The following PRRX1 variants were observed in gnomAD, a reference collection of about 807,000 sequenced individuals.
PRRX1 encodes the protein paired mesoderm homeobox protein 1.
A neutral mutation model predicts 24.0 loss-of-function variants in PRRX1; 8 were observed. The observed-to-expected ratio is 0.33, with a 90% confidence interval of 0.20 to 0.60. The LOEUF is 0.60. Among genes scored for constraint, PRRX1 ranks in the 20% least tolerant of loss-of-function variants. The pLI is 0.82. For missense variants in PRRX1, 281 were observed against 322.4 expected (o/e 0.87, Z 0.98); for synonymous variants, 160 against 131.7 (o/e 1.22, Z -1.47).
intron 1 of PRRX1, 71 bp from the exon 2 acceptor site, chr1:170,719,655 A>G: frequency 6.7e-7 from 1 of 1,485,880 alleles, no homozygotes; most frequent in Non-Finnish European, 9.3e-7. Flanking sequence ...CTATAGATAT[A>G]CCATAAAAAA....
intron 1 of PRRX1, among the ~76,000 whole-genome samples, chr1:170,682,660 T>G (rs1653593638): frequency 6.6e-6 from 1 of 152,196 alleles, no homozygotes; most frequent in Admixed American, 6.5e-5. Context: ...ACCTACTATG[T>G]GCCAGTCATT....
chr1:170,705,349 A>G (rs541479253), intron 1 of PRRX1, among the ~76,000 whole-genome samples: 6 of 152,184 alleles, frequency 3.9e-5, no homozygotes, highest in Admixed American at 2.0e-4. Context: ...TGGCACAATC[A>G]TGGCCTCAGT....
At chr1:170,733,616 CT>C in intron 3 of PRRX1, among the ~76,000 whole-genome samples, 1 of 152,238 alleles carries the variant, frequency 6.6e-6, no homozygotes, top group Non-Finnish European at 1.5e-5. Context: ...AGCTTCTCTT[CT>C]ATGTGTTTAC....
chr1:170,687,387 A>G (rs1444015942), intron 1 of PRRX1, among the ~76,000 whole-genome samples: 2 of 152,182 alleles, frequency 1.3e-5, no homozygotes, highest in African/African-American at 2.4e-5. Context: ...TTGGATGCTC[A>G]GGGATGCTCC....
intron 1 of PRRX1, among the ~76,000 whole-genome samples, chr1:170,693,555 C>A (rs1254857585): frequency 1.3e-5 from 2 of 151,986 alleles, no homozygotes; most frequent in Admixed American, 6.6e-5. Context: ...ATCCACCAGC[C>A]CCCACTAAAA....
chr1:170,711,382 T>A (rs1654742571), intron 1 of PRRX1, among the ~76,000 whole-genome samples: 1 of 152,142 alleles, frequency 6.6e-6, no homozygotes, highest in East Asian at 1.9e-4. Context: ...AAAATTCAAG[T>A]CATACTTTTG....
At chr1:170,694,395 C>T (rs570953710) in intron 1 of PRRX1, among the ~76,000 whole-genome samples, 6 of 152,150 alleles carry the variant, frequency 3.9e-5, no homozygotes, top group East Asian at 1.9e-4. Context: ...CAGCTGTTTT[C>T]GTTGTAGAGT....
chr1:170,712,305 C>T (rs948727735), intron 1 of PRRX1, among the ~76,000 whole-genome samples: 5 of 152,152 alleles, frequency 3.3e-5, no homozygotes, highest in Admixed American at 6.5e-5. Context: ...AACACCTGTG[C>T]ATGATATATA....
chr1:170,669,519 C>T (rs1260513742), intron 1 of PRRX1: 2 of 149,624 alleles, frequency 1.3e-5, no homozygotes, highest in Admixed American at 6.8e-5. Flanking sequence ...CAGCCAGGCC[C>T]CTTTTCCAAG....
chr1:170,686,144 T>TA (rs11369902), intron 1 of PRRX1, among the ~76,000 whole-genome samples: 51,593 of 117,080 alleles, frequency 0.44, 9,863 homozygotes, highest in Middle Eastern at 0.64. Context: ...AACATTACAT[T>TA]AAAAAAAAGC....
intron 1 of PRRX1, among the ~76,000 whole-genome samples, chr1:170,692,794 A>T: frequency 6.6e-6 from 1 of 151,272 alleles, no homozygotes; most frequent in African/African-American, 2.4e-5. Flanking sequence ...TGCATCTCTC[A>T]CATTTTTCTG....
intron 1 of PRRX1, among the ~76,000 whole-genome samples, chr1:170,714,015 T>C (rs1019250626): frequency 6.6e-6 from 1 of 152,242 alleles, no homozygotes; most frequent in African/African-American, 2.4e-5. Flanking sequence ...GTGTGTGTGC[T>C]GCTAAACTTG....
At chr1:170,713,693 A>C (rs1276137085) in intron 1 of PRRX1, among the ~76,000 whole-genome samples, 4 of 152,184 alleles carry the variant, frequency 2.6e-5, no homozygotes, top group African/African-American at 7.2e-5. Context: ...GTAATTTCAC[A>C]CTTCTTAGAG....
At chr1:170,693,177 G>A (rs927783919) in intron 1 of PRRX1, among the ~76,000 whole-genome samples, 1 of 152,066 alleles carries the variant, frequency 6.6e-6, no homozygotes, top group Admixed American at 6.6e-5. Flanking sequence ...CCATGGTTTT[G>A]TTATTACTAC....
At chr1:170,733,428 C>A (rs747953753) in intron 3 of PRRX1, among the ~76,000 whole-genome samples, 2 of 152,120 alleles carry the variant, frequency 1.3e-5, no homozygotes, top group Non-Finnish European at 2.9e-5. Flanking sequence ...TCAAAAAACA[C>A]ATCATCTTTC....
chr1:170,689,836 CTCCCTCTCT>C (rs1653872452), intron 1 of PRRX1, among the ~76,000 whole-genome samples: 1 of 58,086 alleles, frequency 1.7e-5, no homozygotes, highest in Non-Finnish European at 3.6e-5. Context: ...CTCTCTCTCT[CTCCCTCTCT>C]CTCTCTCTCT....
At position 170,736,869 on chromosome 1, in the gene PRRX1, C is replaced by T. The variant is rs1047050145; in HGVS notation, c.*683C>T. 13 of 196,672 alleles carry T rather than the reference C, an allele frequency of 6.6e-5. No homozygotes were observed. Among genetic ancestry groups the T allele is most frequent in the African/African-American group, 2.8e-4 (12 of 43,180 alleles). 12.2% of individuals were successfully genotyped at this position (196,672 alleles called of 1,614,324 possible). On this transcript the variant is annotated 3_prime_UTR_variant, in exon 4 of 4. Coordinates refer to ENST00000239461, the MANE Select transcript of PRRX1 (RefSeq NM_022716.4). ...TAATTCTAAGCACTAAAGTCTACAT[C>T]TAAGCTATAGATTTAAGCTTGAAGC... is the stretch of plus-strand genomic sequence containing the variant.
At chr1:170,719,457 A>T (rs1038589605) in intron 1 of PRRX1, among the ~76,000 whole-genome samples, 3 of 152,252 alleles carry the variant, frequency 2.0e-5, no homozygotes, top group African/African-American at 7.2e-5. Flanking sequence ...GGCATCAAGG[A>T]TCATGCAAGT....
chr1:170,684,376 T>G (rs1167598330), intron 1 of PRRX1, among the ~76,000 whole-genome samples: 1 of 152,260 alleles, frequency 6.6e-6, no homozygotes, highest in Non-Finnish European at 1.5e-5. Flanking sequence ...GATTCCAGGC[T>G]ATGAGAATTT....
Sources: allele counts gnomAD v4.1 joint callset (sites outside exome capture counted in the v4.1 genomes callset), GRCh38; gene constraint gnomAD v4.1.1; transcripts MANE v1.5; gene names NCBI Gene and HGNC (gene_info 2026-07-23, HGNC 2026-07-21).